Variants in MSRA observed in about 807,000 individuals in gnomAD.
MSRA encodes the protein mitochondrial peptide methionine sulfoxide reductase.
Under a neutral mutation model 31.3 loss-of-function variants are expected in MSRA, and 54 were observed. The observed-to-expected ratio is 1.73, with a 90% CI of 1.39 to 2.17. The LOEUF (loss-of-function observed/expected upper bound fraction) is 2.17. Ranked by LOEUF, MSRA falls within the 30% of genes most tolerant of loss-of-function variation. MSRA has a pLI of 0.00. For missense variants in MSRA, 507 were observed against 300.9 expected (o/e 1.69, Z -5.07); for synonymous variants, 169 against 116.5 (o/e 1.45, Z -2.90).
chr8:10,315,393 G>A (rs1253701947), intron 4 of MSRA, among the ~76,000 whole-genome samples: 2 of 152,224 alleles, frequency 1.3e-5, no homozygotes, highest in Admixed American at 6.5e-5. Context: ...AGACTCTCAA[G>A]GGTACTTGGC....
At chr8:10,260,167 T>G (rs1358466685) in intron 3 of MSRA, among the ~76,000 whole-genome samples, 1 of 152,194 alleles carries the variant, frequency 6.6e-6, no homozygotes. Context: ...TGAGCGGCTG[T>G]GTGTGGGCGA....
chr8:10,091,456 T>C (rs1798848743), intron 1 of MSRA, among the ~76,000 whole-genome samples: 1 of 152,226 alleles, frequency 6.6e-6, no homozygotes, highest in Non-Finnish European at 1.5e-5. Flanking sequence ...ATTTTCCTCG[T>C]TTATCTGTTG....
intron 5 of MSRA, among the ~76,000 whole-genome samples, chr8:10,403,013 A>G (rs1464176985): frequency 6.6e-6 from 1 of 152,224 alleles, no homozygotes; most frequent in Non-Finnish European, 1.5e-5. Context: ...ACCAGAAGTT[A>G]TGTAGCCAAG....
intron 1 of MSRA, among the ~76,000 whole-genome samples, chr8:10,175,754 G>T (rs1905630): frequency 0.53 from 80,184 of 152,056 alleles, 22,462 homozygotes; most frequent in African/African-American, 0.73. Context: ...TCATTGTCAC[G>T]GAGGACCAAA....
intron 1 of MSRA, among the ~76,000 whole-genome samples, chr8:10,094,326 G>A (rs1799009714): frequency 2.6e-5 from 4 of 152,188 alleles, no homozygotes; most frequent in Admixed American, 2.6e-4. Context: ...TTGGACAGCT[G>A]TATATGGAAG....
intron 1 of MSRA, among the ~76,000 whole-genome samples, chr8:10,180,559 AGT>A (rs1445208215): frequency 6.6e-6 from 1 of 152,110 alleles, no homozygotes; most frequent in African/African-American, 2.4e-5. Context: ...AGCCACCTGG[AGT>A]TACCTCATTA....
intron 1 of MSRA, among the ~76,000 whole-genome samples, chr8:10,063,904 C>T (rs1305306750): frequency 6.6e-6 from 1 of 152,218 alleles, no homozygotes; most frequent in African/African-American, 2.4e-5. Context: ...TCTAAAACAT[C>T]TTGGGGCTTT....
intron 5 of MSRA, among the ~76,000 whole-genome samples, chr8:10,380,214 C>T (rs1456860687): frequency 6.6e-6 from 1 of 152,198 alleles, no homozygotes; most frequent in Non-Finnish European, 1.5e-5. Context: ...TTTCCTCTGC[C>T]TAAATGTTTA....
intron 1 of MSRA, among the ~76,000 whole-genome samples, chr8:10,106,951 C>G (rs546704298): frequency 3.8e-4 from 58 of 152,198 alleles, no homozygotes; most frequent in African/African-American, 1.3e-3. Context: ...TCCCACCCAC[C>G]TACGCAACCA....
intron 1 of MSRA, among the ~76,000 whole-genome samples, chr8:10,153,987 A>G (rs148972316): frequency 3.6e-4 from 55 of 152,362 alleles, no homozygotes; most frequent in Middle Eastern, 3.4e-3. Flanking sequence ...GTGGATATTC[A>G]ATGCCTTGTG....
chr8:10,207,985 G>T, intron 2 of MSRA, 84 bp downstream of exon 2: 1 of 1,099,790 alleles, frequency 9.1e-7, no homozygotes, highest in Non-Finnish European at 1.3e-6. Context: ...TGTTCTCAGG[G>T]CTTCAAAATC....
At chr8:10,254,368 G>A (rs1483883180) in intron 3 of MSRA, among the ~76,000 whole-genome samples, 6 of 151,988 alleles carry the variant, frequency 3.9e-5, no homozygotes, top group Non-Finnish European at 5.9e-5. Flanking sequence ...CTTTCCTTGA[G>A]TTAAGGATAA....
At chr8:10,339,050 A>G (rs1311056375) in intron 5 of MSRA, among the ~76,000 whole-genome samples, 6 of 151,916 alleles carry the variant, frequency 3.9e-5, no homozygotes, top group Non-Finnish European at 5.9e-5. Context: ...CCATTTTTTA[A>G]TTCACTGGGT....
intron 5 of MSRA, among the ~76,000 whole-genome samples, chr8:10,377,100 G>A (rs145732760): frequency 3.3e-5 from 5 of 152,358 alleles, no homozygotes; most frequent in South Asian, 4.1e-4. Flanking sequence ...AGTAATTCAC[G>A]TTATGCAGCT....
intron 3 of MSRA, among the ~76,000 whole-genome samples, chr8:10,248,946 A>G (rs1797772893): frequency 6.6e-6 from 1 of 152,142 alleles, no homozygotes; most frequent in Non-Finnish European, 1.5e-5. Context: ...TGGAAGAGAG[A>G]TTGGTTTCTG....
intron 1 of MSRA, among the ~76,000 whole-genome samples, chr8:10,194,586 T>G (rs942186382): frequency 1.3e-5 from 2 of 152,136 alleles, no homozygotes; most frequent in Non-Finnish European, 2.9e-5. Flanking sequence ...ACAATTAACA[T>G]ATTACTCTGG....
intron 1 of MSRA, among the ~76,000 whole-genome samples, chr8:10,164,315 A>G (rs928720918): frequency 2.6e-5 from 4 of 152,182 alleles, no homozygotes; most frequent in Non-Finnish European, 4.4e-5. Flanking sequence ...TCCTAGGTGA[A>G]AAATCCCTCC....
chr8:10,188,145 C>T (rs1303814455), intron 1 of MSRA, among the ~76,000 whole-genome samples: 1 of 152,174 alleles, frequency 6.6e-6, no homozygotes, highest in Non-Finnish European at 1.5e-5. Context: ...CCAGCTTCCC[C>T]CAATGTTAAT....
intron 5 of MSRA, among the ~76,000 whole-genome samples, chr8:10,387,432 C>G (rs908511967): frequency 6.6e-6 from 1 of 152,082 alleles, no homozygotes; most frequent in Non-Finnish European, 1.5e-5. Flanking sequence ...GGGAGCCATA[C>G]AAACTATGAG....
Sources: gnomAD v4.1 joint callset for allele counts (sites outside exome capture counted in the v4.1 genomes callset) on GRCh38, gnomAD v4.1.1 for gene constraint, MANE v1.5 for transcripts, NCBI Gene and HGNC (gene_info 2026-07-23, HGNC 2026-07-21) for gene names.